FGGY: variants seen among roughly 807,000 people sequenced by gnomAD.
FGGY encodes FGGY carbohydrate kinase domain containing.
In FGGY, 72 loss-of-function variants were observed where a neutral mutation model predicts 71.3. That is an observed-to-expected ratio of 1.01 (90% CI 0.84 to 1.23). The LOEUF is 1.23. FGGY is among the 50% of genes most tolerant of loss of function. The pLI is 0.00. For missense variants in FGGY, 668 were observed against 682.3 expected (o/e 0.98, Z 0.23); for synonymous variants, 251 against 250.3 (o/e 1.00, Z -0.02).
intron 14 of FGGY, among the ~76,000 whole-genome samples, chr1:59,692,965 G>A (rs1047919137): frequency 2.0e-5 from 3 of 152,196 alleles, no homozygotes; most frequent in African/African-American, 7.2e-5. Flanking sequence ...CCCGTGCTGA[G>A]CTCTGTTGCC....
intron 9 of FGGY, among the ~76,000 whole-genome samples, chr1:59,613,706 G>T (rs2096717073): frequency 6.6e-6 from 1 of 152,152 alleles, no homozygotes; most frequent in Non-Finnish European, 1.5e-5. Flanking sequence ...GATGCATCCA[G>T]AAGCTGGTTT....
At chr1:59,580,384 A>AC (rs1012109435) in intron 8 of FGGY, among the ~76,000 whole-genome samples, 2 of 151,344 alleles carry the variant, frequency 1.3e-5, no homozygotes, top group East Asian at 1.9e-4. Context: ...GCTTCCCTTT[A>AC]CCCCCCGCCT....
intron 8 of FGGY, among the ~76,000 whole-genome samples, chr1:59,580,005 C>T (rs934287488): frequency 1.2e-4 from 19 of 152,170 alleles, no homozygotes; most frequent in African/African-American, 4.6e-4. Flanking sequence ...GGCCTTTGTA[C>T]TTGCTCTTAT....
In FGGY at chr1:59,719,338, AG is replaced by A. The variant is rs564373943; in HGVS notation, c.1513-38592del. Among the ~76,000 whole-genome samples, 494 of 152,296 alleles carry A rather than the reference AG, an allele frequency of 3.2e-3. 4 individuals are homozygous for A. Among genetic ancestry groups the A allele is most frequent in the African/African-American group, 0.011 (450 of 41,550 alleles). ...TGGCCTCTGGAATCAGAAGGATATG[AG>A]TTAAAAATCCAGTTCTGCCACTTGC... is the stretch of plus-strand genomic sequence containing the variant. On this transcript the variant is annotated intron_variant, in intron 14 of 15. Coordinates refer to ENST00000303721, the MANE Select transcript of FGGY (RefSeq NM_018291.5).
intron 13 of FGGY, among the ~76,000 whole-genome samples, chr1:59,667,850 G>A (rs965564489): frequency 6.6e-6 from 1 of 152,206 alleles, no homozygotes; most frequent in African/African-American, 2.4e-5. Flanking sequence ...AGCTTGGCGT[G>A]AGAAAAGTAC....
chr1:59,360,514 G>T (rs915767874), intron 4 of FGGY, among the ~76,000 whole-genome samples: 3 of 152,154 alleles, frequency 2.0e-5, no homozygotes, highest in African/African-American at 4.8e-5. Context: ...TTTCCCCCAG[G>T]CTTTTTACCT....
chr1:59,538,874 T>C (rs1259932819), intron 7 of FGGY, among the ~76,000 whole-genome samples: 6 of 147,104 alleles, frequency 4.1e-5, no homozygotes, highest in Non-Finnish European at 7.5e-5. Flanking sequence ...AGGGATAGCA[T>C]TGGGAGATAT....
At chr1:59,371,170 T>C (rs933574434) in intron 4 of FGGY, among the ~76,000 whole-genome samples, 8 of 152,130 alleles carry the variant, frequency 5.3e-5, no homozygotes, top group Non-Finnish European at 7.4e-5. Flanking sequence ...CCATCTCACA[T>C]GCAGAGACAC....
At chr1:59,468,053 G>T (rs142186501) in intron 6 of FGGY, among the ~76,000 whole-genome samples, 1 of 151,932 alleles carries the variant, frequency 6.6e-6, no homozygotes, top group Admixed American at 6.6e-5. Context: ...ACAGGCATGC[G>T]CCACCATACC....
rs560121288 is a variant in FGGY at position 59,404,258 on chromosome 1, G to A, written c.554+25421G>A. ...ATCAGGATAAATAGCTAATGCATGT[G>A]GTGCTTAATACCTCAGTGATGGGTT... On this transcript the variant is annotated intron_variant, in intron 5 of 15. Transcript: ENST00000303721. Among the ~76,000 whole-genome samples, 14 of 152,196 alleles carry A rather than the reference G, an allele frequency of 9.2e-5. No homozygotes were observed. The East Asian group carries it at 1.9e-3, about 21-fold the overall frequency.
At chr1:59,350,755 CT>C (rs2053122453) in intron 4 of FGGY, among the ~76,000 whole-genome samples, 1 of 152,162 alleles carries the variant, frequency 6.6e-6, no homozygotes, top group East Asian at 1.9e-4. Context: ...TCTCATTCCC[CT>C]GATGATAGCA....
At chr1:59,628,594 G>A (rs72919623) in intron 10 of FGGY, among the ~76,000 whole-genome samples, 45 of 152,276 alleles carry the variant, frequency 3.0e-4, no homozygotes, top group African/African-American at 1.1e-3. Flanking sequence ...AGGGAACTCT[G>A]TGTATTATTT....
chr1:59,623,709 T>C (rs974043552), intron 9 of FGGY, among the ~76,000 whole-genome samples: 4 of 152,262 alleles, frequency 2.6e-5, no homozygotes, highest in African/African-American at 9.6e-5. Flanking sequence ...CTTCACCTAC[T>C]CCAACTGTAT....
chr1:59,544,424 C>T (rs1315905997), intron 7 of FGGY, among the ~76,000 whole-genome samples: 1 of 152,238 alleles, frequency 6.6e-6, no homozygotes, highest in East Asian at 1.9e-4. Context: ...CCTTTGAGTA[C>T]AGGGAGGGCA....
intron 4 of FGGY, among the ~76,000 whole-genome samples, chr1:59,368,728 G>A (rs112936222): frequency 8.4e-4 from 128 of 152,306 alleles, no homozygotes; most frequent in African/African-American, 2.7e-3. Context: ...TCCATCTATG[G>A]GGGTAATGTG....
chr1:59,762,403 A>G, intron 15 of FGGY, 100 bp from the exon 16 acceptor site: 1 of 841,420 alleles, frequency 1.2e-6, no homozygotes, highest in South Asian at 1.7e-5. Context: ...AGGTGTCAGC[A>G]TCACCACCAC....
chr1:59,327,005 C>G (rs1343874232), intron 2 of FGGY, among the ~76,000 whole-genome samples: 1 of 152,134 alleles, frequency 6.6e-6, no homozygotes, highest in Non-Finnish European at 1.5e-5. Flanking sequence ...ATCATCGAAG[C>G]CTGCAGTGAG....
chr1:59,758,659 G>A (rs1355264211), intron 15 of FGGY, among the ~76,000 whole-genome samples: 1 of 152,180 alleles, frequency 6.6e-6, no homozygotes, highest in Non-Finnish European at 1.5e-5. Context: ...TTGGTAGACA[G>A]GCCAAGGCAA....
intron 11 of FGGY, among the ~76,000 whole-genome samples, chr1:59,658,361 C>T (rs1038265276): frequency 1.3e-5 from 2 of 152,178 alleles, no homozygotes; most frequent in African/African-American, 2.4e-5. Flanking sequence ...GATGATTCAG[C>T]GCCAGAGTTC....
Sources: allele counts gnomAD v4.1 joint callset (sites outside exome capture counted in the v4.1 genomes callset), GRCh38; gene constraint gnomAD v4.1.1; transcripts MANE v1.5; gene names NCBI Gene and HGNC (gene_info 2026-07-23, HGNC 2026-07-21).